NTRK2: variants seen among roughly 807,000 people sequenced by gnomAD.
NTRK2 encodes the protein BDNF/NT-3 growth factors receptor.
In NTRK2, 13 loss-of-function variants were observed where a neutral mutation model predicts 94.5. The observed-to-expected ratio is 0.14, with a 90% confidence interval of 0.09 to 0.22. The LOEUF (loss-of-function observed/expected upper bound fraction) is 0.22. Among genes scored for constraint, NTRK2 ranks in the 10% least tolerant of loss-of-function variants. The pLI, the probability that NTRK2 is intolerant of heterozygous loss-of-function variation, is 1.00. For synonymous variants in NTRK2, 372 were observed against 407.4 expected (o/e 0.91, Z 1.05); for missense variants, 639 against 1,071.2 (o/e 0.60, Z 5.63).
At chr9:84,715,125 T>C (rs1433752778) in intron 6 of NTRK2, among the ~76,000 whole-genome samples, 1 of 152,194 alleles carries the variant, frequency 6.6e-6, no homozygotes, top group East Asian at 1.9e-4. Context: ...TCCTTGATCA[T>C]AACAGGCATT....
chr9:84,741,641 A>G (rs949618393), intron 9 of NTRK2, among the ~76,000 whole-genome samples: 2 of 152,246 alleles, frequency 1.3e-5, no homozygotes, highest in African/African-American at 4.8e-5. Flanking sequence ...AGTTTTTTCA[A>G]AGCAATTTGT....
intron 17 of NTRK2, among the ~76,000 whole-genome samples, chr9:85,016,481 C>G (rs1465867246): frequency 3.9e-5 from 6 of 152,160 alleles, no homozygotes; most frequent in Non-Finnish European, 7.3e-5. Context: ...AGTGTCATTC[C>G]TGGGATCACA....
chr9:84,749,496 A>C (rs1344119754), intron 11 of NTRK2, among the ~76,000 whole-genome samples: 1 of 152,218 alleles, frequency 6.6e-6, no homozygotes, highest in Non-Finnish European at 1.5e-5. Flanking sequence ...TAGTGGATAA[A>C]TCACAGGATT....
intron 14 of NTRK2, among the ~76,000 whole-genome samples, chr9:84,887,844 A>G (rs955745385): frequency 6.6e-6 from 1 of 151,960 alleles, no homozygotes; most frequent in Admixed American, 6.6e-5. Context: ...CTGGATCCAC[A>G]TTTTTTTTCC....
At chr9:84,765,425 T>C (rs1002913314) in intron 12 of NTRK2, among the ~76,000 whole-genome samples, 1 of 152,152 alleles carries the variant, frequency 6.6e-6, no homozygotes, top group Non-Finnish European at 1.5e-5. Context: ...TTGTGGCTGG[T>C]GGTAGCATCA....
At chr9:84,740,716 C>T (rs1479580832) in intron 9 of NTRK2, among the ~76,000 whole-genome samples, 4 of 152,218 alleles carry the variant, frequency 2.6e-5, no homozygotes, top group Admixed American at 6.5e-5. Flanking sequence ...AAGTACACAG[C>T]CATTCATTTC....
intron 17 of NTRK2, among the ~76,000 whole-genome samples, chr9:84,988,780 A>G (rs1019541536): frequency 1.3e-5 from 2 of 152,246 alleles, no homozygotes; most frequent in African/African-American, 4.8e-5. Context: ...CAGGCAGCCC[A>G]CAAAGTCAGC....
chr9:84,688,552 C>A (rs189829042), intron 2 of NTRK2, among the ~76,000 whole-genome samples: 206 of 152,272 alleles, frequency 1.4e-3, no homozygotes, highest in Non-Finnish European at 9.8e-4. Context: ...ACAAGCAAAG[C>A]ATAGATCTGT....
chr9:84,770,910 A>G (rs191912421), intron 12 of NTRK2, among the ~76,000 whole-genome samples: 50 of 152,308 alleles, frequency 3.3e-4, no homozygotes, highest in African/African-American at 1.2e-3. Context: ...CCTCCCTGCT[A>G]ACTCTCCTTT....
In NTRK2 at chr9:84,986,737, A is replaced by T. The variant is rs80306193; in HGVS notation, c.2172+31220A>T. ...CCTGATGAATTACTGGAGAGAATGG[A>T]CAAGAAAGGTCTAGAGAGAATGTAA... On this transcript the variant is annotated intron_variant, in intron 17 of 18. Coordinates refer to ENST00000277120, the MANE Select transcript of NTRK2 (RefSeq NM_006180.6). 6.0e-3 allele frequency among the ~76,000 whole-genome samples: 915 copies of T among 152,380 alleles called. 6 individuals are homozygous for T. The highest frequency in any genetic ancestry group is 9.3e-3 in the Non-Finnish European group (633 of 68,040).
At chr9:85,018,768 C>A (rs79056907) in intron 17 of NTRK2, among the ~76,000 whole-genome samples, 3,677 of 152,258 alleles carry the variant, frequency 0.024, 77 homozygotes, top group Non-Finnish European at 0.037. Flanking sequence ...GTTGCCACCA[C>A]CTTCAGACAT....
intron 12 of NTRK2, among the ~76,000 whole-genome samples, chr9:84,754,811 G>A (rs535479871): frequency 8.5e-5 from 13 of 152,152 alleles, no homozygotes; most frequent in Non-Finnish European, 1.8e-4. Context: ...AGGCAGATGG[G>A]ACAGGAGGAA....
At chr9:84,746,455 C>T (rs2064083555) in intron 11 of NTRK2, among the ~76,000 whole-genome samples, 1 of 152,166 alleles carries the variant, frequency 6.6e-6, no homozygotes. Flanking sequence ...TCTCCCTCTC[C>T]CAGCCTTGTG....
Position 85,024,243 on chromosome 9 carries a change from T to C in NTRK2, c.*2806T>C, listed in dbSNP as rs1359064760. 8.6e-6 allele frequency: 2 copies of C among 232,618 alleles called. No individual in the cohort carries two copies. The highest frequency in any genetic ancestry group is 1.1e-4 in the Admixed American group (2 of 17,766). 14.4% of individuals were successfully genotyped at this position (232,618 alleles called of 1,614,324 possible). On this transcript the variant is annotated 3_prime_UTR_variant, in exon 19 of 19. Transcript: ENST00000277120. ...GCCACAGAATATCTGAAATTATTCA[T>C]TGTTGTTCCTCCACCACCCCCTTTC...
intron 2 of NTRK2, among the ~76,000 whole-genome samples, chr9:84,699,316 G>C (rs550759741): frequency 2.0e-5 from 3 of 152,168 alleles, no homozygotes; most frequent in African/African-American, 7.2e-5. Flanking sequence ...GATTACAGGC[G>C]TGAGGCACTG....
intron 15 of NTRK2, among the ~76,000 whole-genome samples, chr9:84,940,506 C>T (rs996637509): frequency 6.6e-6 from 1 of 152,156 alleles, no homozygotes; most frequent in East Asian, 1.9e-4. Context: ...TGCTGATTCC[C>T]CAAGAGGGAA....
intron 14 of NTRK2, among the ~76,000 whole-genome samples, chr9:84,889,157 AT>A (rs1295314187): frequency 6.7e-6 from 1 of 148,342 alleles, no homozygotes; most frequent in Non-Finnish European, 1.5e-5. Context: ...CGCCCGGCTA[AT>A]TTTTTGTATT....
At chr9:84,733,090 C>A (rs1039680308) in intron 9 of NTRK2, among the ~76,000 whole-genome samples, 5 of 152,202 alleles carry the variant, frequency 3.3e-5, no homozygotes, top group Non-Finnish European at 7.3e-5. Context: ...GTTTCTTTCA[C>A]CTTCTCTGGC....
At chr9:84,779,272 C>CT (rs112198437) in intron 12 of NTRK2, among the ~76,000 whole-genome samples, 2,432 of 151,838 alleles carry the variant, frequency 0.016, 77 homozygotes, top group African/African-American at 0.055. Context: ...TACCACTTGA[C>CT]TTTTTTTTTC....
Sources: allele counts gnomAD v4.1 joint callset (sites outside exome capture counted in the v4.1 genomes callset), GRCh38; gene constraint gnomAD v4.1.1; transcripts MANE v1.5; gene names NCBI Gene and HGNC (gene_info 2026-07-23, HGNC 2026-07-21).